Variants in HRH1 observed in about 807,000 individuals in gnomAD.
The protein encoded by HRH1 is histamine H1 receptor.
Under a neutral mutation model 10.3 loss-of-function variants are expected in HRH1, and 6 were observed. That is an observed-to-expected ratio of 0.58 (90% CI 0.32 to 1.15). The LOEUF (loss-of-function observed/expected upper bound fraction) is 1.15, where lower values mean the gene tolerates loss of function less well. HRH1 is among the 50% of genes most tolerant of loss of function. The pLI, the probability that HRH1 is intolerant of heterozygous loss-of-function variation, is 0.05. For synonymous variants in HRH1, 242 were observed against 236.7 expected (o/e 1.02, Z -0.21); for missense variants, 514 against 615.3 (o/e 0.84, Z 1.74).
intron 1 of HRH1, among the ~76,000 whole-genome samples, chr3:11,218,184 C>T (rs1048984076): frequency 3.3e-5 from 5 of 152,084 alleles, no homozygotes; most frequent in African/African-American, 1.2e-4. Context: ...CGGTGGCTCA[C>T]GCCTGTAATC....
At chr3:11,212,966 C>T (rs1349598528) in intron 1 of HRH1, among the ~76,000 whole-genome samples, 2 of 152,172 alleles carry the variant, frequency 1.3e-5, no homozygotes, top group Non-Finnish European at 2.9e-5. Flanking sequence ...TTCCCACCTC[C>T]TGTGATGTTT....
chr3:11,255,553 A>AC, intron 1 of HRH1, among the ~76,000 whole-genome samples: 1 of 152,356 alleles, frequency 6.6e-6, no homozygotes, highest in South Asian at 2.1e-4. Context: ...GAGGACGCAC[A>AC]CCCATGACAC....
upstream of HRH1, among the ~76,000 whole-genome samples, chr3:11,154,195 T>C (rs759775294): frequency 7.2e-5 from 11 of 152,144 alleles, no homozygotes; most frequent in Non-Finnish European, 8.8e-5. The surrounding 1 kb of genome is among the most constrained non-coding windows in gnomAD (Gnocchi z 4.4). Flanking sequence ...CCACCCCTCC[T>C]TCCAAACCCA....
chr3:11,245,708 A>G (rs1456889768), intron 1 of HRH1, among the ~76,000 whole-genome samples: 1 of 152,208 alleles, frequency 6.6e-6, no homozygotes, highest in Non-Finnish European at 1.5e-5. Flanking sequence ...CCTTAATTCA[A>G]AAATGATGGT....
chr3:11,203,323 C>G (rs557500886), intron 1 of HRH1, among the ~76,000 whole-genome samples: 1 of 152,114 alleles, frequency 6.6e-6, no homozygotes, highest in Non-Finnish European at 1.5e-5. Context: ...TTGTGAGAAA[C>G]GGCCAAACTG....
intron 1 of HRH1, among the ~76,000 whole-genome samples, chr3:11,206,717 C>T (rs1280034402): frequency 6.6e-6 from 1 of 152,220 alleles, no homozygotes; most frequent in Admixed American, 6.5e-5. Flanking sequence ...GAAGTCAAAC[C>T]CTCTGTGCCT....
rs1421858069 is a variant in HRH1, at chr3:11,249,213, A to G, written c.-35-9790A>G. On this transcript the variant is annotated intron_variant, in intron 1 of 1. Coordinates refer to ENST00000431010, the MANE Select transcript of HRH1 (RefSeq NM_001098212.2). ...AGATCCAGACCATCCTGGATAACAC[A>G]GTGAAACCCCGTCTCTACTAAAAAT... Among the ~76,000 whole-genome samples, 11 of 152,082 alleles carry G rather than the reference A, an allele frequency of 7.2e-5. No individual in the cohort carries two copies. In the East Asian group the frequency reaches 2.1e-3, roughly 29 times the overall value.
At chr3:11,225,448 C>A (rs572646536) in intron 1 of HRH1, among the ~76,000 whole-genome samples, 33 of 152,316 alleles carry the variant, frequency 2.2e-4, no homozygotes, top group African/African-American at 7.9e-4. Flanking sequence ...TCTGATCTGG[C>A]AGGCACTCCA....
chr3:11,235,459 C>G (rs547888839), intron 1 of HRH1, among the ~76,000 whole-genome samples: 1 of 152,154 alleles, frequency 6.6e-6, no homozygotes, highest in African/African-American at 2.4e-5. Flanking sequence ...TCTCTTGACA[C>G]TTGAAGGGCG....
intron 1 of HRH1, among the ~76,000 whole-genome samples, chr3:11,138,930 C>T (rs1267158082): frequency 6.6e-6 from 1 of 151,840 alleles, no homozygotes; most frequent in Non-Finnish European, 1.5e-5. Context: ...CCACCTCAGC[C>T]TCCCAAAGTG....
chr3:11,224,430 G>T (rs781324446), intron 1 of HRH1, among the ~76,000 whole-genome samples: 1 of 152,186 alleles, frequency 6.6e-6, no homozygotes, highest in Non-Finnish European at 1.5e-5. Context: ...GGGCGCGGTG[G>T]CTCACGCCTG....
chr3:11,141,244 A>G (rs1374697154), intron 1 of HRH1, among the ~76,000 whole-genome samples: 2 of 152,200 alleles, frequency 1.3e-5, no homozygotes, highest in African/African-American at 4.8e-5. Context: ...AAACTTACCT[A>G]TCTCACAGCA....
At chr3:11,205,565 G>A (rs920505753) in intron 1 of HRH1, among the ~76,000 whole-genome samples, 7 of 152,100 alleles carry the variant, frequency 4.6e-5, no homozygotes, top group East Asian at 1.9e-4. Context: ...CTCAGCAAGC[G>A]CATGGCACAT....
chr3:11,148,190 A>AAAAG (rs1273331072), intron 1 of HRH1, among the ~76,000 whole-genome samples: 1 of 151,076 alleles, frequency 6.6e-6, no homozygotes, highest in East Asian at 2.0e-4. Context: ...CAAAAAAAAA[A>AAAAG]AAAAAAAAGA....
At chr3:11,179,821 A>T (rs1937318802) in intron 1 of HRH1, among the ~76,000 whole-genome samples, 1 of 144,266 alleles carries the variant, frequency 6.9e-6, no homozygotes, top group Non-Finnish European at 1.5e-5. Flanking sequence ...CCCAGGCTGG[A>T]GTGCAGTGGC....
chr3:11,145,127 C>T (rs1450341399), intron 1 of HRH1, among the ~76,000 whole-genome samples: 4 of 152,106 alleles, frequency 2.6e-5, no homozygotes, highest in Admixed American at 2.6e-4. Context: ...CACCTCTAAA[C>T]CACCTTCCTC....
At chr3:11,209,638 G>A (rs942547456) in intron 1 of HRH1, among the ~76,000 whole-genome samples, 1 of 151,154 alleles carries the variant, frequency 6.6e-6, no homozygotes, top group East Asian at 2.0e-4. Flanking sequence ...TTTCTCACAG[G>A]TCTGGTGGCT....
In HRH1 at chr3:11,198,736, GAAAA is replaced by G. The variant is rs59389294; in HGVS notation, c.-36+44195_-36+44198del. Among the ~76,000 whole-genome samples the G allele has an allele frequency of 2.4e-5, 3 of 124,748 alleles. No homozygotes were observed. The East Asian group carries it at 6.9e-4, about 29-fold the overall frequency. 81.8% of individuals were successfully genotyped at this position (124,748 alleles called of 152,430 possible). On this transcript the variant is annotated intron_variant, in intron 1 of 1. Transcript: ENST00000431010. ...TGAGTGACAGAGTGAGACCCTATCT[GAAAA>G]AAAAAAAAAAAATGGGCGGACTGTT...
upstream of HRH1, among the ~76,000 whole-genome samples, chr3:11,149,900 G>C (rs1370532862): frequency 6.6e-6 from 1 of 152,146 alleles, no homozygotes; most frequent in Non-Finnish European, 1.5e-5. Context: ...ACTTGCCTAG[G>C]ACCACAGAGC....
Sources: gnomAD v4.1 joint callset for allele counts (sites outside exome capture counted in the v4.1 genomes callset) on GRCh38, gnomAD v4.1.1 for gene constraint, Gnocchi (gnomAD v3.1) non-coding constraint, MANE v1.5 for transcripts, NCBI Gene and HGNC (gene_info 2026-07-23, HGNC 2026-07-21) for gene names.